Variants in COL19A1 observed in about 807,000 individuals in gnomAD.
COL19A1 encodes collagen type XIX alpha 1 chain, also known as collagen alpha-1(XIX) chain.
A neutral mutation model predicts 190.2 loss-of-function variants in COL19A1; 159 were observed. The observed-to-expected ratio is 0.84, with a 90% confidence interval of 0.73 to 0.95. The LOEUF is 0.95. COL19A1 is among the 40% of genes least tolerant of loss of function. The pLI, the probability that COL19A1 is intolerant of heterozygous loss-of-function variation, is 0.00. For missense variants in COL19A1, 1,418 were observed against 1,431.9 expected, an observed-to-expected ratio of 0.99 and a Z score of 0.16; for synonymous variants, 509 against 458.9, an observed-to-expected ratio of 1.11 and a Z score of -1.39.
chr6:69,993,191 CT>C (rs1776720941), intron 11 of COL19A1, among the ~76,000 whole-genome samples: 1 of 151,944 alleles, frequency 6.6e-6, no homozygotes, highest in South Asian at 2.1e-4. Context: ...TATTATAAGC[CT>C]TTCCTTCATC....
chr6:70,111,160 TGTGA>T (rs1784263230), intron 16 of COL19A1, among the ~76,000 whole-genome samples: 1 of 152,208 alleles, frequency 6.6e-6, no homozygotes, highest in Admixed American at 6.6e-5. Context: ...TGTATATCTT[TGTGA>T]GGTAGGCAAG....
Position 70,207,278 on chromosome 6 carries a change from C to G in COL19A1, c.*4C>G. 1 of 1,601,908 alleles carries G rather than the reference C, an allele frequency of 6.2e-7. No individual in the cohort carries two copies. The highest frequency in any genetic ancestry group is 8.5e-7 in the Non-Finnish European group (1 of 1,172,616). On this transcript the variant is annotated 3_prime_UTR_variant, in exon 51 of 51. Coordinates refer to ENST00000620364, the MANE Select transcript of COL19A1 (RefSeq NM_001858.6). ...TCAGCGCACAGGTGGGAATTGAACA[C>G]ACCTGAAGAAGACTTGGTTCCTGGT...
At chr6:70,147,653 G>A (rs1392071667) in intron 27 of COL19A1, among the ~76,000 whole-genome samples, 2 of 152,042 alleles carry the variant, frequency 1.3e-5, no homozygotes, top group African/African-American at 4.8e-5. Flanking sequence ...AGCTGTGTGG[G>A]GTTTTTTTTC....
intron 14 of COL19A1, among the ~76,000 whole-genome samples, chr6:70,037,059 G>A (rs1218032715): frequency 6.6e-6 from 1 of 152,160 alleles, no homozygotes; most frequent in Non-Finnish European, 1.5e-5. Flanking sequence ...GGAAGTTTAT[G>A]CTTTAAGCTT....
intron 1 of COL19A1, among the ~76,000 whole-genome samples, chr6:69,870,978 A>G (rs1306090119): frequency 6.6e-6 from 1 of 152,210 alleles, no homozygotes; most frequent in Non-Finnish European, 1.5e-5. Context: ...TCCTAAATTA[A>G]TGATGATGCC....
At chr6:70,141,178 G>A (rs541531104) in intron 20 of COL19A1, among the ~76,000 whole-genome samples, 189 bp downstream of exon 20, 1 of 152,068 alleles carries the variant, frequency 6.6e-6, no homozygotes, top group East Asian at 1.9e-4. Flanking sequence ...CTTGTTAACT[G>A]TTGTCATGCA....
At chr6:69,921,510 ATATG>A (rs1217144752) in intron 4 of COL19A1, among the ~76,000 whole-genome samples, 25 of 98,418 alleles carry the variant, frequency 2.5e-4, no homozygotes, top group African/African-American at 9.9e-4. Context: ...ATATATATTC[ATATG>A]TATATTCATA....
intron 2 of COL19A1, among the ~76,000 whole-genome samples, chr6:69,881,953 G>T (rs562352501): frequency 2.4e-4 from 37 of 152,306 alleles, no homozygotes; most frequent in African/African-American, 5.5e-4. Flanking sequence ...ACAGCGCAAG[G>T]TTCCCTTTTT....
At chr6:69,974,839 G>A (rs959348386) in intron 11 of COL19A1, among the ~76,000 whole-genome samples, 56 of 126,628 alleles carry the variant, frequency 4.4e-4, no homozygotes, top group Non-Finnish European at 7.0e-4. Flanking sequence ...TTGAGACGGA[G>A]TCTTGCTCTG....
At chr6:70,193,095 T>A (rs1323869524) in intron 48 of COL19A1, among the ~76,000 whole-genome samples, 31 of 140,726 alleles carry the variant, frequency 2.2e-4, no homozygotes, top group Admixed American at 1.9e-3. Flanking sequence ...TAACCAAGCA[T>A]TTTCAGAAAA....
chr6:69,973,742 C>CA (rs1478548381), intron 11 of COL19A1: 1 of 152,094 alleles, frequency 6.6e-6, no homozygotes, highest in Non-Finnish European at 1.5e-5. Flanking sequence ...GCTTTATTAA[C>CA]AAAAATCTCT....
intron 37 of COL19A1, 25 bp from the exon 38 acceptor site, chr6:70,168,000 T>C: frequency 6.5e-7 from 1 of 1,541,014 alleles, no homozygotes; most frequent in East Asian, 2.3e-5. Flanking sequence ...CCAAGAATAA[T>C]TCTGTATCTC....
intron 9 of COL19A1, among the ~76,000 whole-genome samples, chr6:69,947,323 A>G (rs184390011): frequency 1.3e-5 from 2 of 152,010 alleles, no homozygotes; most frequent in East Asian, 3.9e-4. Flanking sequence ...ATTGATTTTT[A>G]TGTTTTTCCT....
chr6:69,990,734 A>G (rs1246862145), intron 11 of COL19A1, among the ~76,000 whole-genome samples: 1 of 151,962 alleles, frequency 6.6e-6, no homozygotes. Flanking sequence ...CATAAATTGT[A>G]TGGTGGTGTG....
At chr6:69,999,559 T>G (rs903515185) in intron 11 of COL19A1, among the ~76,000 whole-genome samples, 2 of 152,040 alleles carry the variant, frequency 1.3e-5, no homozygotes, top group African/African-American at 4.8e-5. Flanking sequence ...TTGATTACAT[T>G]TAAAAACCTT....
chr6:70,144,343 C>A, intron 24 of COL19A1, 80 bp downstream of exon 24: 2 of 1,218,730 alleles, frequency 1.6e-6, no homozygotes, highest in Non-Finnish European at 2.4e-6. Flanking sequence ...GATGAAAGGA[C>A]AGCCCAGGGC....
chr6:70,097,703 T>C (rs1783370500), intron 15 of COL19A1, among the ~76,000 whole-genome samples: 1 of 152,150 alleles, frequency 6.6e-6, no homozygotes, highest in Admixed American at 6.6e-5. Flanking sequence ...CACTTTCAGG[T>C]TTCCAGGGCA....
intron 6 of COL19A1, among the ~76,000 whole-genome samples, chr6:69,932,161 C>T (rs960393315): frequency 4.6e-5 from 7 of 151,522 alleles, no homozygotes; most frequent in Non-Finnish European, 1.0e-4. Context: ...AATTTCATGT[C>T]CAAATGCCAA....
At chr6:70,060,804 G>A (rs1321658482) in intron 14 of COL19A1, among the ~76,000 whole-genome samples, 1 of 152,100 alleles carries the variant, frequency 6.6e-6, no homozygotes, top group Non-Finnish European at 1.5e-5. Context: ...AAAATATAAT[G>A]TGCTTGAATC....
Sources: allele counts gnomAD v4.1 joint callset (sites outside exome capture counted in the v4.1 genomes callset), GRCh38; gene constraint gnomAD v4.1.1; transcripts MANE v1.5; gene names NCBI Gene and HGNC (gene_info 2026-07-23, HGNC 2026-07-21).